WHRN: variants seen among roughly 807,000 people sequenced by gnomAD.
The protein encoded by WHRN is CASK-interacting protein CIP98.
Under a neutral mutation model 68.3 loss-of-function variants are expected in WHRN, and 41 were observed. The observed-to-expected ratio is 0.60, with a 90% CI of 0.47 to 0.78. The LOEUF is 0.78. Ranked by LOEUF, WHRN falls within the 30% of genes least tolerant of loss-of-function variation. The pLI is 0.00. For missense variants in WHRN, 1,243 were observed against 1,244.7 expected, an observed-to-expected ratio of 1.00 and a Z score of 0.02; for synonymous variants, 560 against 561.3, an observed-to-expected ratio of 1.00 and a Z score of 0.03.
chr9:114,450,643 T>TAG lies in WHRN; in HGVS notation c.963+15623_963+15624insCT, dbSNP rs1468779857. ...AAGTGCTTGCTAGAGATTCTCTGGC[T>TAG]ACATCTTCACCATGTCCCAAGAGGT... On this transcript the variant is annotated intron_variant, in intron 3 of 11. Transcript: ENST00000362057. Among the ~76,000 whole-genome samples, 5 of 152,134 alleles carry TAG rather than the reference T, an allele frequency of 3.3e-5. 1 individual carries two copies. Among genetic ancestry groups the TAG allele is most frequent in the African/African-American group, 1.2e-4 (5 of 41,422 alleles).
intron 4 of WHRN, chr9:114,425,586 GACACACACACACACACAC>G (rs148103230): frequency 5.8e-5 from 9 of 154,206 alleles, no homozygotes; most frequent in Middle Eastern, 3.2e-3. Context: ...GGAAGGGGGA[GACACACACACACACACAC>G]ACACACACAC....
intron 1 of WHRN, among the ~76,000 whole-genome samples, chr9:114,489,490 GTA>G (rs1842794457): frequency 1.9e-5 from 2 of 107,806 alleles, no homozygotes; most frequent in East Asian, 2.6e-4. Flanking sequence ...GCACACACAC[GTA>G]CACACACACA....
chr9:114,467,051 C>T (rs1381692714), intron 2 of WHRN, among the ~76,000 whole-genome samples: 1 of 151,226 alleles, frequency 6.6e-6, no homozygotes, highest in Non-Finnish European at 1.5e-5. Flanking sequence ...CCCCAGGGAT[C>T]TCTTATCACC....
chr9:114,481,757 C>T (rs139863912), intron 1 of WHRN, among the ~76,000 whole-genome samples: 1 of 152,348 alleles, frequency 6.6e-6, no homozygotes, highest in African/African-American at 2.4e-5. Context: ...CTACTGTGTG[C>T]CAAGCCTAGA....
At chr9:114,463,549 G>GT in intron 3 of WHRN, among the ~76,000 whole-genome samples, 1 of 152,228 alleles carries the variant, frequency 6.6e-6, no homozygotes, top group African/African-American at 2.4e-5. Flanking sequence ...CCTGTAGTTT[G>GT]TTTAACAATA....
chr9:114,489,947 T>G (rs761413233), intron 1 of WHRN, among the ~76,000 whole-genome samples: 51 of 152,352 alleles, frequency 3.3e-4, no homozygotes, highest in Admixed American at 1.0e-3. Flanking sequence ...AGTCCAAAAA[T>G]TGTTATTCTT....
intron 3 of WHRN, among the ~76,000 whole-genome samples, chr9:114,446,871 T>C (rs1838864906): frequency 6.6e-6 from 1 of 152,040 alleles, no homozygotes; most frequent in African/African-American, 2.4e-5. Flanking sequence ...GGAAAAGCTG[T>C]TGGAGCATGT....
chr9:114,457,545 A>C (rs1399623896), intron 3 of WHRN, among the ~76,000 whole-genome samples: 1 of 152,128 alleles, frequency 6.6e-6, no homozygotes, highest in Non-Finnish European at 1.5e-5. Flanking sequence ...GGAACATGGG[A>C]ATAGAAAATC....
intron 7 of WHRN, among the ~76,000 whole-genome samples, chr9:114,419,918 C>T (rs181396268): frequency 2.0e-5 from 3 of 152,164 alleles, no homozygotes; most frequent in Admixed American, 6.5e-5. Context: ...CAATAAGAAC[C>T]CCTGGTCCCC....
At chr9:114,466,887 C>T (rs1413042446) in intron 2 of WHRN, among the ~76,000 whole-genome samples, 1 of 150,894 alleles carries the variant, frequency 6.6e-6, no homozygotes, top group African/African-American at 2.4e-5. Context: ...CAGGGGTCTC[C>T]CGTCACCTCA....
chr9:114,426,221 T>C lies in WHRN; in HGVS notation c.1156A>G (p.Asn386Asp), dbSNP rs750767827. 3.7e-6 allele frequency: 6 copies of C among 1,612,250 alleles called. No homozygotes were observed. The highest frequency in any genetic ancestry group is 1.3e-5 in the African/African-American group (1 of 74,972). Reference sequence around the variant, plus strand: ...GCAGAGTGGCCAGACCCTGCCGAGTTCGCCATGGTCTCCCTGATCCGGGAA... The same window carrying C: ...GCAGAGTGGCCAGACCCTGCCGAGTCCGCCATGGTCTCCCTGATCCGGGAA... ...ASSRIRETMANSAGFLGDLTT... is the reference protein window; with the variant it reads ...ASSRIRETMADSAGFLGDLTT... The change falls in exon 4 of 12, where the codon AAC (asparagine) becomes GAC (aspartate). Residue 386 changes from asparagine (N) to aspartate (D), a missense_variant. Transcript: ENST00000362057.
intron 3 of WHRN, among the ~76,000 whole-genome samples, chr9:114,459,233 G>A (rs931616547): frequency 9.2e-5 from 14 of 152,032 alleles, no homozygotes; most frequent in African/African-American, 2.2e-4. Flanking sequence ...CAAGGCGGGC[G>A]GATCACTTGA....
In WHRN at chr9:114,426,216, C is replaced by G. The variant is rs201105262; in HGVS notation, c.1161G>C (p.Ser387=). The G allele has an allele frequency of 1.2e-6, 2 of 1,612,178 alleles. No individual in the cohort carries two copies. The highest frequency in any genetic ancestry group is 2.2e-5 in the East Asian group (1 of 44,874). Residue 387 remains serine (S), a synonymous_variant, in exon 4 of 12, where the codon TCG becomes TCC. Transcript: ENST00000362057. ...AGCGAGCAGAGTGGCCAGACCCTGC[C>G]GAGTTCGCCATGGTCTCCCTGATCC... ...SSRIRETMAN[S]AGFLGDLTTE... is the part of the protein sequence containing the mutation.
Position 114,403,975 on chromosome 9 carries a change from C to G in WHRN, c.2339G>C (p.Arg780Thr), listed in dbSNP as rs760802180. 1 of 1,609,626 alleles carries G rather than the reference C, an allele frequency of 6.2e-7. No individual in the cohort carries two copies. Among genetic ancestry groups the G allele is most frequent in the South Asian group, 1.1e-5 (1 of 90,888 alleles). ...CCTGCTCTTGGTGGACACCGACTGC[C>G]TTCCTCGGCCTGGGGCGCTGGCCTC... Reference protein sequence around the residue: ...EAEASAPGRGRQSVSTKSRSS... With the variant: ...EAEASAPGRGTQSVSTKSRSS... Residue 780 changes from arginine (R) to threonine (T), a missense_variant, in exon 10 of 12, where the codon AGG becomes ACG. By Grantham distance (71) the Arg-to-Thr change is moderately conservative (BLOSUM62 -1). Coordinates refer to ENST00000362057, the MANE Select transcript of WHRN (RefSeq NM_015404.4).
Position 114,493,465 on chromosome 9 carries a change from C to T in WHRN, c.618+10719G>A, listed in dbSNP as rs184383413. Among the ~76,000 whole-genome samples the T allele has an allele frequency of 2.9e-3, 443 of 152,136 alleles. 3 individuals are homozygous for T. Among genetic ancestry groups the T allele is most frequent in the African/African-American group, 0.01 (422 of 41,514 alleles). On this transcript the variant is annotated intron_variant, in intron 1 of 11. Transcript: ENST00000362057. The stretch of plus-strand genomic sequence containing the variant: ...TGTTTCCTATGACCAAACAAAATGC[C>T]CCTTTAACTTGTCCAGTCTGTGACA...
At chr9:114,483,616 C>G (rs1329574359) in intron 1 of WHRN, among the ~76,000 whole-genome samples, 2 of 152,176 alleles carry the variant, frequency 1.3e-5, no homozygotes, top group Non-Finnish European at 2.9e-5. Flanking sequence ...ACTTCTCTCA[C>G]CAGAGCAGCC....
intron 4 of WHRN, chr9:114,425,289 G>A (rs2274162): frequency 1.1e-5 from 7 of 630,490 alleles, no homozygotes; most frequent in East Asian, 8.2e-5. Flanking sequence ...TGCCAACCCC[G>A]CAGGACCAGG....
At chr9:114,422,220 G>A (rs1206992039) in intron 7 of WHRN, among the ~76,000 whole-genome samples, 2 of 152,150 alleles carry the variant, frequency 1.3e-5, no homozygotes, top group South Asian at 4.1e-4. Flanking sequence ...TTCAGCATCT[G>A]GGAGCAACCG....
rs1225785369 is a variant in WHRN, at chr9:114,498,097, T to C, written c.618+6087A>G. Among the ~76,000 whole-genome samples the C allele has an allele frequency of 3.3e-5, 5 of 152,174 alleles. No homozygotes were observed. In the South Asian group the frequency reaches 6.2e-4, roughly 19 times the overall value. On this transcript the variant is annotated intron_variant, in intron 1 of 11. Transcript: ENST00000362057. Reference sequence around the variant, plus strand: ...AGGAGCTGGGGAATTCTGAATTCACTAGCGCTGGATTAGGAGCAAGATCAT... The same window carrying C: ...AGGAGCTGGGGAATTCTGAATTCACCAGCGCTGGATTAGGAGCAAGATCAT...
Sources: gnomAD v4.1 joint callset for allele counts (sites outside exome capture counted in the v4.1 genomes callset) on GRCh38, gnomAD v4.1.1 for gene constraint, MANE v1.5 for transcripts, NCBI Gene and HGNC (gene_info 2026-07-23, HGNC 2026-07-21) for gene names.